The following QSOX2 variants were observed in gnomAD, a reference collection of about 807,000 sequenced individuals.
QSOX2 encodes the protein sulfhydryl oxidase 2.
In QSOX2, 46 loss-of-function variants were observed where a neutral mutation model predicts 61.7. That is an observed-to-expected ratio of 0.75 (90% confidence interval 0.59 to 0.95). The LOEUF (loss-of-function observed/expected upper bound fraction) is 0.95. Among genes scored for constraint, QSOX2 ranks in the 40% least tolerant of loss-of-function variants. The pLI is 0.00. For synonymous variants in QSOX2, 383 were observed against 388.4 expected (o/e 0.99, Z 0.16); for missense variants, 879 against 918.9 (o/e 0.96, Z 0.56).
rs796554807 is a variant in QSOX2, at chr9:136,237,523, G to C, written c.328+7953C>G. The stretch of plus-strand genomic sequence containing the variant: ...CACCTGGAGCCCGTCCTGTGCCGGC[G>C]ACACCTGGAGCCCGTCCTGTGCCAC... On this transcript the variant is annotated intron_variant, in intron 1 of 11. Coordinates refer to ENST00000358701, the MANE Select transcript of QSOX2 (RefSeq NM_181701.4). Among the ~76,000 whole-genome samples, 156 of 69,380 alleles carry C rather than the reference G, an allele frequency of 2.2e-3. 2 individuals are homozygous for C. The highest frequency in any genetic ancestry group is 8.9e-3 in the African/African-American group (138 of 15,502). 45.5% of individuals were successfully genotyped at this position (69,380 alleles called of 152,430 possible).
Position 136,209,306 on chromosome 9 carries a change from G to A in QSOX2, c.1550-31C>T, listed in dbSNP as rs1197529077. ...AAGAAAAGGAAGCGGGAGAGCCAGA[G>A]GGAAGGAGGCTTTGTGCAGCCACGT... is the stretch of plus-strand genomic sequence containing the variant. On this transcript the variant is annotated intron_variant, in intron 11 of 11. Coordinates refer to ENST00000358701, the MANE Select transcript of QSOX2 (RefSeq NM_181701.4). This position sits in a 1 kb window ranked among gnomAD's most constrained non-coding sequence, Gnocchi z 5.6. 1 of 1,599,566 alleles carries A rather than the reference G, an allele frequency of 6.3e-7. No individual in the cohort carries two copies. The highest frequency in any genetic ancestry group is 8.5e-7 in the Non-Finnish European group (1 of 1,171,372).
chr9:136,224,796 C>T (rs1021893618), intron 3 of QSOX2, 65 bp downstream of exon 3: 13 of 1,158,906 alleles, frequency 1.1e-5, no homozygotes, highest in Middle Eastern at 2.0e-4. Context: ...GCTCTGGGAC[C>T]GTGTGTCTTT....
At chr9:136,228,351 G>A (rs1021994875) in intron 1 of QSOX2, among the ~76,000 whole-genome samples, 2 of 152,232 alleles carry the variant, frequency 1.3e-5, no homozygotes, top group Admixed American at 1.3e-4. Context: ...ACATGAGGAA[G>A]GGGAGTGCCT....
intron 1 of QSOX2, among the ~76,000 whole-genome samples, chr9:136,234,775 C>T (rs1389162509): frequency 7.1e-6 from 1 of 141,326 alleles, no homozygotes; most frequent in African/African-American, 2.9e-5. Flanking sequence ...ACTGCGCCCG[C>T]CCCAGCCTCA....
At chr9:136,210,454 C>T in intron 11 of QSOX2, 1 of 985,380 alleles carries the variant, frequency 1.0e-6, no homozygotes, top group Non-Finnish European at 1.2e-6. Flanking sequence ...GGTCCCACTG[C>T]CTCAGAGCCG....
chr9:136,226,577 C>T (rs2131060420), intron 2 of QSOX2, among the ~76,000 whole-genome samples, 197 bp downstream of exon 2: 1 of 152,304 alleles, frequency 6.6e-6, no homozygotes, highest in East Asian at 1.9e-4. Context: ...CACAGCACAA[C>T]AGGGTGGAAC....
At chr9:136,244,871 G>C (rs551757152) in intron 1 of QSOX2, among the ~76,000 whole-genome samples, 1 of 152,282 alleles carries the variant, frequency 6.6e-6, no homozygotes, top group East Asian at 1.9e-4. Context: ...GGTTGTTTTG[G>C]GGTATTATAG....
chr9:136,238,598 C>T (rs1830409825), intron 1 of QSOX2, among the ~76,000 whole-genome samples: 1 of 152,220 alleles, frequency 6.6e-6, no homozygotes, highest in Admixed American at 6.5e-5. Flanking sequence ...GCCAACCCTC[C>T]CTCTGCCCCT....
intron 10 of QSOX2, 31 bp downstream of exon 10, chr9:136,215,123 G>A (rs371036920): frequency 4.1e-5 from 66 of 1,600,502 alleles, no homozygotes; most frequent in Middle Eastern, 1.7e-4. Flanking sequence ...GCAGACCATC[G>A]GCCCCTCTGG....
In QSOX2 at chr9:136,208,152, C is replaced by T. The variant is rs1831793040; in HGVS notation, c.*576G>A. ...GAAGCAGCTACAAACACAGGATAGT[C>T]CCTGGAGCACTTGCTTGGAGGGGCT... On this transcript the variant is annotated 3_prime_UTR_variant, in exon 12 of 12. Coordinates refer to ENST00000358701, the MANE Select transcript of QSOX2 (RefSeq NM_181701.4). 1.3e-5 allele frequency: 2 copies of T among 151,900 alleles called. No homozygotes were observed. The highest frequency in any genetic ancestry group is 2.4e-5 in the African/African-American group (1 of 41,216). 9.4% of individuals were successfully genotyped at this position (151,900 alleles called of 1,614,324 possible).
intron 1 of QSOX2, among the ~76,000 whole-genome samples, chr9:136,240,244 G>C (rs1205773396): frequency 6.6e-6 from 1 of 152,212 alleles, no homozygotes; most frequent in Admixed American, 6.5e-5. Context: ...AAATAATTAA[G>C]CTTCTATATA....
intron 10 of QSOX2, among the ~76,000 whole-genome samples, chr9:136,212,336 A>G (rs1831856493): frequency 6.6e-6 from 1 of 152,256 alleles, no homozygotes; most frequent in Non-Finnish European, 1.5e-5. Context: ...ACATGTCAGC[A>G]TTAAAAAAAG....
chr9:136,231,630 G>A (rs151234381), intron 1 of QSOX2, among the ~76,000 whole-genome samples: 93 of 152,336 alleles, frequency 6.1e-4, no homozygotes, highest in Non-Finnish European at 1.1e-3. Flanking sequence ...GAAATGACGC[G>A]GCAGAAGGGC....
chr9:136,219,570 C>T (rs1831957021), intron 6 of QSOX2, among the ~76,000 whole-genome samples: 1 of 152,178 alleles, frequency 6.6e-6, no homozygotes, highest in South Asian at 2.1e-4. Context: ...AAGTCGGGGC[C>T]TGGGGTGGAC....
In QSOX2 at chr9:136,208,563, A is replaced by C; in HGVS notation, c.*165T>G. Reference sequence around the variant, plus strand: ...TACCCCGTGTTCTTCCCTTGTTAGAAGAGCGTTTGTAAAACCAGGACTTTG... The same window carrying C: ...TACCCCGTGTTCTTCCCTTGTTAGACGAGCGTTTGTAAAACCAGGACTTTG... On this transcript the variant is annotated 3_prime_UTR_variant, in exon 12 of 12. Transcript: ENST00000358701. 1 of 727,158 alleles carries C rather than the reference A, an allele frequency of 1.4e-6. No individual in the cohort carries two copies. Among genetic ancestry groups the C allele is most frequent in the Non-Finnish European group, 2.1e-6 (1 of 468,200 alleles). The allele number at this position is 727,158 out of a possible 1,614,324, so 45.0% of individuals were successfully genotyped here.
intron 10 of QSOX2, among the ~76,000 whole-genome samples, chr9:136,213,736 GTAA>G (rs770382831): frequency 2.6e-5 from 4 of 152,330 alleles, no homozygotes; most frequent in East Asian, 3.9e-4. Context: ...TGCGGCAGAA[GTAA>G]TAATATGTGA....
chr9:136,210,569 GAC>G (rs1420161835), intron 11 of QSOX2: 2 of 985,344 alleles, frequency 2.0e-6, no homozygotes, highest in African/African-American at 1.7e-5. Context: ...AAACCCCGCA[GAC>G]ACACAGCGCC....
rs185934611 is a variant in QSOX2, at chr9:136,209,485, C to T, written c.1550-210G>A. 407 of 985,424 alleles carry T rather than the reference C, an allele frequency of 4.1e-4. 1 individual carries two copies. In the African/African-American group the frequency reaches 6.8e-3, roughly 16 times the overall value. 61.0% of individuals were successfully genotyped at this position (985,424 alleles called of 1,614,324 possible). A position where few individuals can be genotyped will look rare whatever the true frequency, so the allele number is the denominator to read the frequency against. On this transcript the variant is annotated intron_variant, in intron 11 of 11. Transcript: ENST00000358701. The surrounding 1 kb of genome is among the most constrained non-coding windows in gnomAD (Gnocchi z 5.6). ...TCCTGCTTCTGCAGGCCCCTGCGCA[C>T]GTGTTCCCCTCTGCCGGTTCCCATA...
intron 8 of QSOX2, 41 bp from the exon 9 acceptor site, chr9:136,216,763 C>A: frequency 6.2e-7 from 1 of 1,607,252 alleles, no homozygotes; most frequent in Non-Finnish European, 8.5e-7. Flanking sequence ...CAGACCCAAA[C>A]CCGGGCCCGC....
Sources: gnomAD v4.1 joint callset for allele counts (sites outside exome capture counted in the v4.1 genomes callset) on GRCh38, gnomAD v4.1.1 for gene constraint, Gnocchi (gnomAD v3.1) non-coding constraint, MANE v1.5 for transcripts, NCBI Gene and HGNC (gene_info 2026-07-23, HGNC 2026-07-21) for gene names.